The following NEK1 variants were observed in gnomAD, a reference collection of about 807,000 sequenced individuals.
NEK1 encodes serine/threonine-protein kinase Nek1.
In NEK1, 137 loss-of-function variants were observed where a neutral mutation model predicts 182.1. The ratio of observed to expected loss-of-function variants is 0.75; its 90% confidence interval spans 0.65 to 0.87. The LOEUF (loss-of-function observed/expected upper bound fraction) is 0.87. Ranked by LOEUF, NEK1 falls within the 40% of genes least tolerant of loss-of-function variation. NEK1 has a pLI of 0.00. For missense variants in NEK1, 1,391 were observed against 1,494.4 expected, an observed-to-expected ratio of 0.93 and a Z score of 1.14; for synonymous variants, 513 against 492.2, an observed-to-expected ratio of 1.04 and a Z score of -0.56.
Position 169,477,476 on chromosome 4 carries a change from G to T in NEK1, c.2161C>A (p.Arg721=). The change falls in exon 25 of 36, where the codon CGG becomes AGG. Residue 721 remains arginine (R), a synonymous_variant. Transcript: ENST00000507142. ...VGVDSSLTDT[R]ETSEEMQKTN... Reference sequence around the variant, plus strand: ...TTTTGCATCTCTTCTGAAGTTTCCCGGGTATCAGTTAAACTACTGTCCTTT... The same window carrying T: ...TTTTGCATCTCTTCTGAAGTTTCCCTGGTATCAGTTAAACTACTGTCCTTT... The T allele has an allele frequency of 1.2e-6, 2 of 1,606,952 alleles. No homozygotes were observed. Among genetic ancestry groups the T allele is most frequent in the South Asian group, 1.1e-5 (1 of 89,328 alleles).
intron 19 of NEK1, among the ~76,000 whole-genome samples, chr4:169,526,279 A>G (rs1756885043): frequency 6.6e-6 from 1 of 152,190 alleles, no homozygotes; most frequent in Non-Finnish European, 1.5e-5. Flanking sequence ...ACTTGAAGCT[A>G]GGAGTTTGAG....
chr4:169,428,372 A>ATAT lies in NEK1; in HGVS notation c.2886-2139_2886-2138insATA, dbSNP rs1554029052. Among the ~76,000 whole-genome samples the ATAT allele has an allele frequency of 7.6e-5, 11 of 144,700 alleles. No individual in the cohort carries two copies. In the East Asian group the frequency reaches 1.2e-3, roughly 16 times the overall value. The allele number at this position is 144,700 out of a possible 152,430, so 94.9% of individuals were successfully genotyped here. Reference sequence around the variant, plus strand: ...ATGGGATATATATATATATATATATAATGGAATATTATTCAGCCATAAAAA... The same window carrying ATAT: ...ATGGGATATATATATATATATATATATATATGGAATATTATTCAGCCATAAAAA... On this transcript the variant is annotated intron_variant, in intron 29 of 35. Transcript: ENST00000507142.
At chr4:169,469,907 T>TA (rs1745613674) in intron 26 of NEK1, among the ~76,000 whole-genome samples, 2 of 151,970 alleles carry the variant, frequency 1.3e-5, no homozygotes, top group Admixed American at 1.3e-4. Flanking sequence ...TTTGTTGCTT[T>TA]AAAGTCTGTT....
intron 23 of NEK1, among the ~76,000 whole-genome samples, chr4:169,482,444 C>T (rs1214147074): frequency 3.3e-5 from 5 of 151,914 alleles, no homozygotes; most frequent in African/African-American, 9.6e-5. Flanking sequence ...AGGTGTGTGC[C>T]ACCACATCCA....
chr4:169,451,283 G>T (rs192473305), intron 27 of NEK1, among the ~76,000 whole-genome samples: 1 of 152,304 alleles, frequency 6.6e-6, no homozygotes, highest in Non-Finnish European at 1.5e-5. Flanking sequence ...GCAATAAGCA[G>T]ACCTAATAGA....
chr4:169,422,247 T>C (rs1735607552), intron 31 of NEK1, among the ~76,000 whole-genome samples: 1 of 152,176 alleles, frequency 6.6e-6, no homozygotes, highest in Admixed American at 6.5e-5. Context: ...GCAATGAGAC[T>C]GCAACATAGT....
intron 32 of NEK1, among the ~76,000 whole-genome samples, chr4:169,404,426 A>C (rs1294947370): frequency 6.6e-6 from 1 of 152,172 alleles, no homozygotes; most frequent in Non-Finnish European, 1.5e-5. Flanking sequence ...AAAAAGAACC[A>C]AAAACCAGAA....
intron 29 of NEK1, among the ~76,000 whole-genome samples, chr4:169,430,439 C>G (rs942698328): frequency 6.6e-6 from 1 of 152,186 alleles, no homozygotes; most frequent in African/African-American, 2.4e-5. Context: ...CCTACCTCAG[C>G]CTCTCAAAGT....
At chr4:169,559,505 T>C (rs1762594820) in intron 16 of NEK1, among the ~76,000 whole-genome samples, 1 of 152,188 alleles carries the variant, frequency 6.6e-6, no homozygotes, top group African/African-American at 2.4e-5. Flanking sequence ...TACTATGATA[T>C]GAAGAACTTC....
At chr4:169,595,799 T>C (rs528049456) in intron 5 of NEK1, among the ~76,000 whole-genome samples, 92 of 151,546 alleles carry the variant, frequency 6.1e-4, no homozygotes, top group Non-Finnish European at 1.1e-3. Flanking sequence ...GGCGGGCGCC[T>C]GTAGTCCCTG....
intron 4 of NEK1, among the ~76,000 whole-genome samples, chr4:169,601,314 TTTACAGAAATTAAG>T (rs1400514370): frequency 7.2e-5 from 11 of 152,216 alleles, no homozygotes; most frequent in African/African-American, 2.7e-4. Flanking sequence ...TGGTTTTTAG[TTTACAGAAATTAAG>T]TTACAGAAAT....
At chr4:169,507,195 T>TC in intron 22 of NEK1, 63 bp from the exon 23 acceptor site, 1 of 992,846 alleles carries the variant, frequency 1.0e-6, no homozygotes, top group South Asian at 1.7e-5. Context: ...TTTTTTTTTT[T>TC]TTTTTGGGCC....
At chr4:169,407,764 G>A (rs1407973877) in intron 31 of NEK1, among the ~76,000 whole-genome samples, 1 of 152,224 alleles carries the variant, frequency 6.6e-6, no homozygotes, top group East Asian at 1.9e-4. Flanking sequence ...CTCTTCACCA[G>A]ATGGGAGCCT....
chr4:169,501,589 C>T (rs1752431479), intron 23 of NEK1, among the ~76,000 whole-genome samples: 1 of 152,022 alleles, frequency 6.6e-6, no homozygotes, highest in African/African-American at 2.4e-5. Context: ...GAAATCAATA[C>T]CAAGAGGAAC....
chr4:169,570,615 C>T lies in NEK1; in HGVS notation c.1020+6313G>A, dbSNP rs1181991644. 2.4e-3 allele frequency among the ~76,000 whole-genome samples: 359 copies of T among 151,718 alleles called. 6 individuals carry two copies. The highest frequency in any genetic ancestry group is 6.2e-4 in the Non-Finnish European group (42 of 67,832). On this transcript the variant is annotated intron_variant, in intron 12 of 35. Transcript: ENST00000507142. ...CCAGGAGGTGAGGGGTGCCTCTGCCCGGCCGCCCCTGCTAGGAAGTGAGGA... is the reference window on the plus strand; with the variant it reads ...CCAGGAGGTGAGGGGTGCCTCTGCCTGGCCGCCCCTGCTAGGAAGTGAGGA...
At chr4:169,537,941 T>A in intron 18 of NEK1, 30 bp from the exon 19 acceptor site, 1 of 1,460,394 alleles carries the variant, frequency 6.8e-7, no homozygotes, top group Non-Finnish European at 9.3e-7. Context: ...AAGTCAGCCA[T>A]CCTGAACAGA....
intron 23 of NEK1, 33 bp from the exon 24 acceptor site, chr4:169,479,567 G>T: frequency 6.6e-7 from 1 of 1,511,158 alleles, no homozygotes; most frequent in Non-Finnish European, 9.0e-7. Flanking sequence ...ATACATTAGG[G>T]ATTTTATATT....
chr4:169,524,853 G>C (rs1756656648), intron 19 of NEK1, among the ~76,000 whole-genome samples: 1 of 152,154 alleles, frequency 6.6e-6, no homozygotes, highest in Non-Finnish European at 1.5e-5. Flanking sequence ...CGGTGTACTG[G>C]AACACATTCA....
intron 12 of NEK1, among the ~76,000 whole-genome samples, chr4:169,572,323 T>A (rs1296738060): frequency 6.6e-6 from 1 of 151,972 alleles, no homozygotes; most frequent in Non-Finnish European, 1.5e-5. Flanking sequence ...GTAGAAAGAG[T>A]AGTCAATAAT....
Sources: allele counts gnomAD v4.1 joint callset (sites outside exome capture counted in the v4.1 genomes callset), GRCh38; gene constraint gnomAD v4.1.1; transcripts MANE v1.5; gene names NCBI Gene and HGNC (gene_info 2026-07-23, HGNC 2026-07-21).